The following SCHIP1 variants were observed in gnomAD, a reference collection of about 807,000 sequenced individuals.
SCHIP1 encodes schwannomin interacting protein 1, also known as schwannomin-interacting protein 1.
A neutral mutation model predicts 29.7 loss-of-function variants in SCHIP1; 8 were observed. That is an observed-to-expected ratio of 0.27 (90% CI 0.16 to 0.49). The LOEUF is 0.49. Among genes scored for constraint, SCHIP1 ranks in the 20% least tolerant of loss-of-function variants. The probability of loss-of-function intolerance (pLI) is 0.99; values close to 1 mark genes in which losing one functional copy is unlikely to be tolerated. For synonymous variants in SCHIP1, 76 were observed against 94.9 expected, an observed-to-expected ratio of 0.80 and a Z score of 1.16; for missense variants, 193 against 294.6, an observed-to-expected ratio of 0.66 and a Z score of 2.52.
the SCHIP1 span, among the ~76,000 whole-genome samples, chr3:159,287,546 G>T: frequency 1.3e-5 from 2 of 151,940 alleles, no homozygotes; most frequent in African/African-American, 2.4e-5. Context: ...AGAATAAACC[G>T]CATTCTATTT....
chr3:159,796,225 G>T, the SCHIP1 span, among the ~76,000 whole-genome samples: 3 of 152,140 alleles, frequency 2.0e-5, no homozygotes, highest in Non-Finnish European at 4.4e-5. Flanking sequence ...CATTCTAGTG[G>T]GGAGATACTA....
chr3:159,358,514 T>C, the SCHIP1 span, among the ~76,000 whole-genome samples: 1 of 152,184 alleles, frequency 6.6e-6, no homozygotes, highest in African/African-American at 2.4e-5. Context: ...GATTACCTAC[T>C]CTGCACAGCA....
At chr3:159,335,092 G>C in the SCHIP1 span, among the ~76,000 whole-genome samples, 7 of 151,816 alleles carry the variant, frequency 4.6e-5, no homozygotes, top group Non-Finnish European at 8.8e-5. Flanking sequence ...TAGAGCCAGG[G>C]CTTCACCATG....
chr3:159,559,418 T>G, the SCHIP1 span, among the ~76,000 whole-genome samples: 1 of 152,238 alleles, frequency 6.6e-6, no homozygotes, highest in Admixed American at 6.5e-5. Flanking sequence ...ATCAGTATAT[T>G]ACTATGCTTG....
the SCHIP1 span, among the ~76,000 whole-genome samples, chr3:159,772,659 T>C: frequency 1.3e-5 from 2 of 152,378 alleles, no homozygotes; most frequent in East Asian, 3.8e-4. Flanking sequence ...CACTATAAAC[T>C]TTCTTATTAG....
At chr3:159,320,996 T>C in the SCHIP1 span, among the ~76,000 whole-genome samples, 1 of 152,182 alleles carries the variant, frequency 6.6e-6, no homozygotes, top group African/African-American at 2.4e-5. Flanking sequence ...ACAGAATCTC[T>C]GTCTGTCACC....
chr3:159,466,272 G>C, the SCHIP1 span, among the ~76,000 whole-genome samples: 1 of 152,040 alleles, frequency 6.6e-6, no homozygotes, highest in African/African-American at 2.4e-5. Context: ...GATCATGATT[G>C]TGCTACTGCA....
At chr3:159,794,641 T>C in the SCHIP1 span, among the ~76,000 whole-genome samples, 1 of 152,302 alleles carries the variant, frequency 6.6e-6, no homozygotes, top group East Asian at 1.9e-4. Flanking sequence ...CATAATTGGT[T>C]TTCTTTGTAA....
At chr3:159,673,610 T>G in the SCHIP1 span, among the ~76,000 whole-genome samples, 1 of 152,202 alleles carries the variant, frequency 6.6e-6, no homozygotes, top group African/African-American at 2.4e-5. Context: ...AGTTTTCCTC[T>G]GGGATGCAAA....
the SCHIP1 span, among the ~76,000 whole-genome samples, chr3:159,631,990 A>C: frequency 3.3e-5 from 5 of 152,060 alleles, no homozygotes; most frequent in African/African-American, 1.2e-4. Flanking sequence ...TATGTTTTTA[A>C]AAACTCTAAA....
chr3:159,322,185 G>C, the SCHIP1 span, among the ~76,000 whole-genome samples: 1 of 151,996 alleles, frequency 6.6e-6, no homozygotes, highest in Admixed American at 6.6e-5. Flanking sequence ...AGACACTAGT[G>C]CTCCTGAATT....
the SCHIP1 span, among the ~76,000 whole-genome samples, chr3:159,313,644 C>T: frequency 6.6e-6 from 1 of 152,130 alleles, no homozygotes; most frequent in African/African-American, 2.4e-5. Context: ...GTACAGTTAT[C>T]AAAGTAAGAA....
chr3:159,687,560 C>G, the SCHIP1 span, among the ~76,000 whole-genome samples: 1 of 152,124 alleles, frequency 6.6e-6, no homozygotes, highest in Non-Finnish European at 1.5e-5. Context: ...CAGAACTTTG[C>G]TGTCAGAGTT....
chr3:159,431,807 C>CAA, the SCHIP1 span, among the ~76,000 whole-genome samples: 843 of 83,814 alleles, frequency 0.01, 6 homozygotes, highest in African/African-American at 0.034. Context: ...GATTCCATCT[C>CAA]AAAAAAAAAA....
At chr3:159,812,791 C>T in the SCHIP1 span, among the ~76,000 whole-genome samples, 287 of 152,142 alleles carry the variant, frequency 1.9e-3, 1 homozygote, top group African/African-American at 6.6e-3. Context: ...TTGCCATAAC[C>T]GAATACCTGA....
the SCHIP1 span, among the ~76,000 whole-genome samples, chr3:159,672,460 A>G: frequency 6.6e-6 from 1 of 152,244 alleles, no homozygotes; most frequent in Non-Finnish European, 1.5e-5. Context: ...TAAGCCAAGA[A>G]AAAAGATTGG....
chr3:159,682,480 A>T, the SCHIP1 span, among the ~76,000 whole-genome samples: 3 of 152,226 alleles, frequency 2.0e-5, no homozygotes, highest in African/African-American at 7.2e-5. Context: ...TCAGTGAACT[A>T]TAAATTTCAA....
At chr3:159,759,115 G>C in the SCHIP1 span, among the ~76,000 whole-genome samples, 1 of 151,840 alleles carries the variant, frequency 6.6e-6, no homozygotes, top group Non-Finnish European at 1.5e-5. Context: ...ATAATCTCGT[G>C]GTTTGCTAGA....
the SCHIP1 span, among the ~76,000 whole-genome samples, chr3:159,821,830 C>A: frequency 2.0e-5 from 3 of 152,054 alleles, no homozygotes; most frequent in African/African-American, 4.8e-5. Flanking sequence ...CATTTGGGGC[C>A]GTTATTAGGT....
Sources: allele counts gnomAD v4.1 joint callset (sites outside exome capture counted in the v4.1 genomes callset), GRCh38; gene constraint gnomAD v4.1.1; transcripts MANE v1.5; gene names NCBI Gene and HGNC (gene_info 2026-07-23, HGNC 2026-07-21).